Variants in RALYL observed in about 807,000 individuals in gnomAD.
The protein encoded by RALYL is RALY RNA binding protein like.
In RALYL, 29 loss-of-function variants were observed where a neutral mutation model predicts 35.1. The observed-to-expected ratio is 0.83, with a 90% CI of 0.61 to 1.13. RALYL has a LOEUF of 1.13. Ranked by LOEUF, RALYL falls within the 50% of genes most tolerant of loss-of-function variation. RALYL has a pLI of 0.00. For synonymous variants in RALYL, 120 were observed against 127.6 expected (o/e 0.94, Z 0.40); for missense variants, 359 against 360.4 (o/e 1.00, Z 0.03).
intron 8 of RALYL, among the ~76,000 whole-genome samples, chr8:84,912,177 G>A (rs1379131468): frequency 6.6e-6 from 1 of 151,444 alleles, no homozygotes; most frequent in Non-Finnish European, 1.5e-5. Flanking sequence ...ATAAACTCAA[G>A]TGAGAGCAAA....
intron 8 of RALYL, among the ~76,000 whole-genome samples, chr8:84,908,051 C>A (rs7010343): frequency 0.3 from 45,892 of 151,914 alleles, 7,461 homozygotes; most frequent in East Asian, 0.61. Context: ...GTTCTCACTA[C>A]ATGAGTCAAT....
chr8:84,408,358 A>C (rs1041534128), intron 1 of RALYL, among the ~76,000 whole-genome samples: 3 of 152,206 alleles, frequency 2.0e-5, no homozygotes, highest in African/African-American at 7.2e-5. Flanking sequence ...TGAGATTTTC[A>C]GTAAATAGAA....
chr8:84,872,543 T>C (rs1358320450), intron 6 of RALYL: 1 of 152,208 alleles, frequency 6.6e-6, no homozygotes, highest in Non-Finnish European at 1.5e-5. Flanking sequence ...GTTTTTAACA[T>C]CCATACTTGG....
intron 2 of RALYL, among the ~76,000 whole-genome samples, chr8:84,731,585 G>C (rs778418626): frequency 2.6e-5 from 4 of 152,034 alleles, no homozygotes; most frequent in Non-Finnish European, 5.9e-5. Context: ...CTGCTACCTT[G>C]CTATTGCAAA....
At chr8:84,621,028 AG>A (rs1821262559) in intron 2 of RALYL, among the ~76,000 whole-genome samples, 1 of 152,134 alleles carries the variant, frequency 6.6e-6, no homozygotes, top group Non-Finnish European at 1.5e-5. Flanking sequence ...AAGTCTGCAG[AG>A]GTTACTGCTG....
intron 8 of RALYL, among the ~76,000 whole-genome samples, chr8:84,919,255 C>T (rs1021318897): frequency 1.3e-5 from 2 of 151,988 alleles, no homozygotes; most frequent in African/African-American, 4.8e-5. Context: ...AGCCTTATTT[C>T]CTTTTTTGCA....
intron 6 of RALYL, chr8:84,872,427 CAT>C: frequency 6.6e-6 from 1 of 151,780 alleles, no homozygotes; most frequent in East Asian, 1.9e-4. Flanking sequence ...CAAATATAAA[CAT>C]ATTTCATTTA....
intron 2 of RALYL, among the ~76,000 whole-genome samples, chr8:84,691,170 C>T (rs530231363): frequency 2.0e-5 from 3 of 152,128 alleles, no homozygotes; most frequent in East Asian, 3.9e-4. Context: ...AGACTACAAA[C>T]ATTTTGTATT....
intron 2 of RALYL, among the ~76,000 whole-genome samples, chr8:84,682,845 G>T (rs1362119698): frequency 1.3e-5 from 2 of 151,942 alleles, no homozygotes; most frequent in South Asian, 2.1e-4. Context: ...ATTTCCTTCA[G>T]TTCTGCTCTG....
chr8:84,725,104 C>T (rs1429963910), intron 2 of RALYL, among the ~76,000 whole-genome samples: 1 of 151,400 alleles, frequency 6.6e-6, no homozygotes, highest in Non-Finnish European at 1.5e-5. Context: ...TTTTCTACTG[C>T]CTAAGATCTG....
At position 84,548,524 on chromosome 8, in the gene RALYL, C is replaced by T. The variant is rs184781862; in HGVS notation, c.256+18947C>T. ...TTTGTCATCTGTATGGATGTATTTC[C>T]AGTTCTTGTTTACTTTCATTTTCTC... On this transcript the variant is annotated intron_variant, in intron 2 of 8. Transcript: ENST00000521268. Among the ~76,000 whole-genome samples the T allele has an allele frequency of 2.6e-3, 390 of 152,160 alleles. 1 individual carries two copies. Among genetic ancestry groups the T allele is most frequent in the Admixed American group, 4.5e-3 (69 of 15,292 alleles).
chr8:84,522,000 T>G (rs1325287144), intron 1 of RALYL, among the ~76,000 whole-genome samples: 1 of 152,084 alleles, frequency 6.6e-6, no homozygotes, highest in Non-Finnish European at 1.5e-5. Flanking sequence ...CTACAGTAAT[T>G]TCATTTTTAT....
chr8:84,619,121 A>T (rs1198040990), intron 2 of RALYL, among the ~76,000 whole-genome samples: 7 of 151,474 alleles, frequency 4.6e-5, no homozygotes, highest in Non-Finnish European at 1.0e-4. Context: ...CACTTGGTGC[A>T]GAGCTGAGTT....
rs2055309583 is a variant in RALYL at position 84,491,565 on chromosome 8, G to A, written c.-23-37734G>A. Among the ~76,000 whole-genome samples, 3 of 151,940 alleles carry A rather than the reference G, an allele frequency of 2.0e-5. No homozygotes were observed. In the South Asian group the frequency reaches 6.2e-4, roughly 32 times the overall value. On this transcript the variant is annotated intron_variant, in intron 1 of 8. Transcript: ENST00000521268. Reference sequence around the variant, plus strand: ...GCTGATTCCTACTAATGTTTCAAGAGTCAGCCTGATAACATTCTCAAAAGT... The same window carrying A: ...GCTGATTCCTACTAATGTTTCAAGAATCAGCCTGATAACATTCTCAAAAGT...
At chr8:84,849,202 C>T (rs1835290488) in intron 4 of RALYL, among the ~76,000 whole-genome samples, 1 of 152,138 alleles carries the variant, frequency 6.6e-6, no homozygotes, top group Non-Finnish European at 1.5e-5. Context: ...CTCTGAAATG[C>T]ATTTACTAAT....
At chr8:84,586,634 CAGCTACTACAGTTG>C (rs545282692) in intron 2 of RALYL, among the ~76,000 whole-genome samples, 197 of 152,276 alleles carry the variant, frequency 1.3e-3, no homozygotes, top group Middle Eastern at 3.4e-3. Context: ...CTTAGTCTCA[CAGCTACTACAGTTG>C]AGCTAGTACA....
At chr8:84,529,227 C>A (rs2059110976) in intron 1 of RALYL, 72 bp from the exon 2 acceptor site, 2 of 1,471,722 alleles carry the variant, frequency 1.4e-6, no homozygotes, top group African/African-American at 2.8e-5. Flanking sequence ...TGTTAAAAAG[C>A]CACTGATACC....
chr8:84,421,989 G>C (rs187932202), intron 1 of RALYL, among the ~76,000 whole-genome samples: 1 of 152,250 alleles, frequency 6.6e-6, no homozygotes, highest in East Asian at 1.9e-4. Flanking sequence ...TTTTCATCAA[G>C]GTTATTGGTC....
chr8:84,372,636 T>A (rs929574456), intron 1 of RALYL, among the ~76,000 whole-genome samples: 1 of 152,024 alleles, frequency 6.6e-6, no homozygotes, highest in Admixed American at 6.6e-5. Flanking sequence ...CCCAGGAGGA[T>A]GACTGGGAGA....
Sources: gnomAD v4.1 joint callset for allele counts (sites outside exome capture counted in the v4.1 genomes callset) on GRCh38, gnomAD v4.1.1 for gene constraint, MANE v1.5 for transcripts, NCBI Gene and HGNC (gene_info 2026-07-23, HGNC 2026-07-21) for gene names.